PRKN: variants seen among roughly 807,000 people sequenced by gnomAD.
The protein encoded by PRKN is E3 ubiquitin-protein ligase parkin.
A neutral mutation model predicts 59.5 loss-of-function variants in PRKN; 56 were observed. The ratio of observed to expected loss-of-function variants is 0.94; its 90% CI spans 0.76 to 1.18. The LOEUF (loss-of-function observed/expected upper bound fraction) is 1.18. Ranked by LOEUF, PRKN falls within the 50% of genes most tolerant of loss-of-function variation. PRKN has a pLI of 0.00. For synonymous variants in PRKN, 250 were observed against 222.1 expected, an observed-to-expected ratio of 1.13 and a Z score of -1.12; for missense variants, 657 against 596.4, an observed-to-expected ratio of 1.10 and a Z score of -1.06.
intron 2 of PRKN, among the ~76,000 whole-genome samples, chr6:162,385,750 G>A (rs1786768442): frequency 6.6e-6 from 1 of 151,654 alleles, no homozygotes; most frequent in African/African-American, 2.4e-5. Flanking sequence ...TGACTTTTTG[G>A]TCCTTCACAG....
In PRKN at chr6:162,663,579, TATG is replaced by T. The variant is rs372530864; in HGVS notation, c.7+64080_7+64082del. ...TTTTAAGACAGGTGTTAAAAATTAC[TATG>T]ATTAGATTAGAACTTGCACTGGTTC... is the stretch of plus-strand genomic sequence containing the variant. On this transcript the variant is annotated intron_variant, in intron 1 of 11. Transcript: ENST00000366898. Among the ~76,000 whole-genome samples, 692 of 152,278 alleles carry T rather than the reference TATG, an allele frequency of 4.5e-3. 8 individuals carry two copies. The highest frequency in any genetic ancestry group is 0.015 in the African/African-American group (644 of 41,552).
Position 161,726,978 on chromosome 6 carries a change from A to G in PRKN, c.871+58794T>C, listed in dbSNP as rs150352669. ...CTGTCCTGGATGTTGTCACTAGGTCAGAAACAGGGGAAAGACCCTGACTTC... is the reference window on the plus strand; with the variant it reads ...CTGTCCTGGATGTTGTCACTAGGTCGGAAACAGGGGAAAGACCCTGACTTC... On this transcript the variant is annotated intron_variant, in intron 7 of 11. Transcript: ENST00000366898. Among the ~76,000 whole-genome samples, 623 of 152,292 alleles carry G rather than the reference A, an allele frequency of 4.1e-3. 7 individuals carry two copies. Among genetic ancestry groups the G allele is most frequent in the African/African-American group, 0.014 (590 of 41,558 alleles).
At chr6:161,725,737 T>G (rs982096243) in intron 7 of PRKN, among the ~76,000 whole-genome samples, 18 of 152,202 alleles carry the variant, frequency 1.2e-4, no homozygotes, top group African/African-American at 4.3e-4. Context: ...AGCTTCCTCA[T>G]CCACAAAATA....
intron 4 of PRKN, among the ~76,000 whole-genome samples, chr6:162,109,026 T>G (rs114235638): frequency 0.027 from 4,184 of 152,324 alleles, 200 homozygotes; most frequent in African/African-American, 0.096. Flanking sequence ...CAGCATTGCA[T>G]CCATATTTAT....
At chr6:161,643,390 C>T (rs1783810949) in intron 7 of PRKN, among the ~76,000 whole-genome samples, 1 of 152,114 alleles carries the variant, frequency 6.6e-6, no homozygotes, top group African/African-American at 2.4e-5. Context: ...TTCAGAGGAA[C>T]TGAAGGATGT....
chr6:161,975,874 A>G (rs1437168239), intron 5 of PRKN, among the ~76,000 whole-genome samples: 1 of 152,252 alleles, frequency 6.6e-6, no homozygotes, highest in East Asian at 1.9e-4. Context: ...CATCTTACGT[A>G]AAATATGTGA....
chr6:161,701,756 T>C (rs553067301), intron 7 of PRKN, among the ~76,000 whole-genome samples: 27 of 152,336 alleles, frequency 1.8e-4, no homozygotes, highest in African/African-American at 6.0e-4. Context: ...TTCACATAAA[T>C]TTAGAAATTA....
chr6:161,455,220 G>A (rs1789913518), intron 9 of PRKN, among the ~76,000 whole-genome samples: 1 of 151,852 alleles, frequency 6.6e-6, no homozygotes, highest in African/African-American at 2.4e-5. Context: ...TGTATTTTTA[G>A]TAGAGACGGA....
chr6:161,930,104 A>ACGGCCT (rs1216175540), intron 6 of PRKN, among the ~76,000 whole-genome samples: 65 of 152,310 alleles, frequency 4.3e-4, no homozygotes, highest in South Asian at 1.7e-3. Flanking sequence ...TGGGGTTCAG[A>ACGGCCT]CAGCCTGGGT....
intron 7 of PRKN, among the ~76,000 whole-genome samples, chr6:161,617,478 C>T (rs1782739860): frequency 1.3e-5 from 2 of 152,248 alleles, no homozygotes; most frequent in Non-Finnish European, 2.9e-5. Context: ...GTACTTGCTC[C>T]GTTATTAACA....
At chr6:161,422,922 C>T (rs1788170850) in intron 9 of PRKN, among the ~76,000 whole-genome samples, 1 of 152,180 alleles carries the variant, frequency 6.6e-6, no homozygotes, top group Admixed American at 6.5e-5. Context: ...TTTTCTAGGG[C>T]TGACATCGAC....
At chr6:162,477,794 C>T (rs1228697483) in intron 1 of PRKN, among the ~76,000 whole-genome samples, 1 of 152,162 alleles carries the variant, frequency 6.6e-6, no homozygotes, top group Non-Finnish European at 1.5e-5. Flanking sequence ...ATAACCTTTC[C>T]CCTACAGCAT....
At chr6:162,562,314 G>A (rs1001717243) in intron 1 of PRKN, among the ~76,000 whole-genome samples, 36 of 152,280 alleles carry the variant, frequency 2.4e-4, no homozygotes, top group Non-Finnish European at 1.8e-4. Flanking sequence ...ACCACGTCGA[G>A]GGCCTTGGGT....
chr6:162,313,551 G>A (rs1189355465), intron 2 of PRKN, among the ~76,000 whole-genome samples: 2 of 151,770 alleles, frequency 1.3e-5, no homozygotes, highest in Admixed American at 6.6e-5. Flanking sequence ...CCAATGGTGC[G>A]ATCTTGGCTC....
At chr6:162,536,779 T>C (rs1778739431) in intron 1 of PRKN, among the ~76,000 whole-genome samples, 1 of 152,142 alleles carries the variant, frequency 6.6e-6, no homozygotes, top group Non-Finnish European at 1.5e-5. Flanking sequence ...GAAATATGAA[T>C]AAACACATTT....
At position 162,610,816 on chromosome 6, in the gene PRKN, T is replaced by C. The variant is rs189228740; in HGVS notation, c.7+116846A>G. Reference sequence around the variant, plus strand: ...ACATCTCTATAGCAGGAATCCTTAATTCATTCGAGATTTTATGATAAATTT... The same window carrying C: ...ACATCTCTATAGCAGGAATCCTTAACTCATTCGAGATTTTATGATAAATTT... On this transcript the variant is annotated intron_variant, in intron 1 of 11. Coordinates refer to ENST00000366898, the MANE Select transcript of PRKN (RefSeq NM_004562.3). 3.9e-5 allele frequency among the ~76,000 whole-genome samples: 6 copies of C among 152,338 alleles called. No individual in the cohort carries two copies. The East Asian group carries it at 7.7e-4, about 20-fold the overall frequency.
At chr6:162,569,921 C>A (rs9365465) in intron 1 of PRKN, among the ~76,000 whole-genome samples, 1 of 152,032 alleles carries the variant, frequency 6.6e-6, no homozygotes, top group African/African-American at 2.4e-5. Context: ...AACAACTCAA[C>A]TGCTTTTATT....
chr6:162,679,920 A>G (rs1779705836), intron 1 of PRKN, among the ~76,000 whole-genome samples: 1 of 152,168 alleles, frequency 6.6e-6, no homozygotes, highest in South Asian at 2.1e-4. Flanking sequence ...CAGCAGTCTG[A>G]GGATCTTCAT....
intron 3 of PRKN, among the ~76,000 whole-genome samples, chr6:162,235,957 GGAAGA>G (rs1778656524): frequency 2.2e-4 from 19 of 87,544 alleles, no homozygotes; most frequent in Non-Finnish European, 2.9e-4. Context: ...AAGGAAGAAA[GGAAGA>G]AAGAAAGAAA....
Sources: gnomAD v4.1 joint callset for allele counts (sites outside exome capture counted in the v4.1 genomes callset) on GRCh38, gnomAD v4.1.1 for gene constraint, MANE v1.5 for transcripts, NCBI Gene and HGNC (gene_info 2026-07-23, HGNC 2026-07-21) for gene names.